HIVEP1: variants seen among roughly 807,000 people sequenced by gnomAD.
HIVEP1 encodes HIVEP zinc finger 1.
HIVEP1 carries 36 observed loss-of-function variants against 180.0 expected under a neutral mutation model. The ratio of observed to expected loss-of-function variants is 0.20; its 90% CI spans 0.15 to 0.26. The LOEUF is 0.26. HIVEP1 is among the 10% of genes least tolerant of loss of function. The pLI, the probability that HIVEP1 is intolerant of heterozygous loss-of-function variation, is 1.00. For synonymous variants in HIVEP1, 1,239 were observed against 1,239.0 expected (o/e 1.00, Z 0.00); for missense variants, 3,143 against 3,268.7 (o/e 0.96, Z 0.94).
chr6:12,133,366 AC>A (rs1320338182), intron 6 of HIVEP1, among the ~76,000 whole-genome samples: 2 of 152,142 alleles, frequency 1.3e-5, no homozygotes, highest in East Asian at 3.9e-4. Context: ...AAGAAACAAA[AC>A]CTCTCATGCT....
intron 2 of HIVEP1, among the ~76,000 whole-genome samples, chr6:12,087,449 A>G (rs1244068278): frequency 1.3e-5 from 2 of 152,088 alleles, no homozygotes; most frequent in African/African-American, 4.8e-5. Flanking sequence ...TATATAATAC[A>G]TATATATTAT....
intron 7 of HIVEP1, 21 bp from the exon 8 acceptor site, chr6:12,161,418 C>A (rs1208687986): frequency 2.5e-6 from 4 of 1,598,848 alleles, no homozygotes; most frequent in Non-Finnish European, 3.4e-6. Context: ...CCATCACATA[C>A]CTCTTGGTTG....
At chr6:12,206,164 C>T in the HIVEP1 span, among the ~76,000 whole-genome samples, 2 of 151,982 alleles carry the variant, frequency 1.3e-5, no homozygotes, top group South Asian at 2.1e-4. Flanking sequence ...GACAGAGTCT[C>T]GCTCTGTCAC....
At chr6:12,085,383 G>T (rs953442310) in intron 2 of HIVEP1, among the ~76,000 whole-genome samples, 5 of 152,060 alleles carry the variant, frequency 3.3e-5, no homozygotes, top group African/African-American at 1.2e-4. Flanking sequence ...ACTTCACTGT[G>T]CCTGATCTTG....
At chr6:12,172,731 T>C in the HIVEP1 span, among the ~76,000 whole-genome samples, 6 of 152,132 alleles carry the variant, frequency 3.9e-5, no homozygotes, top group Non-Finnish European at 8.8e-5. Flanking sequence ...GTGGTTGAGA[T>C]AATTGCTCAG....
intron 7 of HIVEP1, among the ~76,000 whole-genome samples, chr6:12,155,286 T>C (rs1389471601): frequency 6.6e-6 from 1 of 152,222 alleles, no homozygotes; most frequent in African/African-American, 2.4e-5. Flanking sequence ...CAGGGGTACA[T>C]GTGCAGGGTG....
At chr6:12,141,263 C>A (rs1359470900) in intron 7 of HIVEP1, among the ~76,000 whole-genome samples, 2 of 151,882 alleles carry the variant, frequency 1.3e-5, no homozygotes, top group Non-Finnish European at 2.9e-5. Context: ...TCATATCTAG[C>A]CAAACTAAGC....
downstream of HIVEP1, among the ~76,000 whole-genome samples, chr6:12,168,886 C>CT (rs1306634082): frequency 6.6e-6 from 1 of 152,030 alleles, no homozygotes; most frequent in African/African-American, 2.4e-5. Flanking sequence ...ATATTAAATG[C>CT]TTTTTTGTCG....
At chr6:12,013,413 T>A (rs1261399632) in intron 1 of HIVEP1, among the ~76,000 whole-genome samples, 2 of 152,228 alleles carry the variant, frequency 1.3e-5, no homozygotes, top group Non-Finnish European at 1.5e-5. Context: ...GTCGCTACAA[T>A]GCTGCTGTCT....
chr6:12,143,579 A>G (rs1421151024), intron 7 of HIVEP1, among the ~76,000 whole-genome samples: 1 of 152,202 alleles, frequency 6.6e-6, no homozygotes, highest in Non-Finnish European at 1.5e-5. Context: ...TCAATTAGGA[A>G]AAGAAGAAGT....
rs1457575693 is a variant in HIVEP1, at chr6:12,123,248, T to G, written c.3453T>G (p.Pro1151=). 1 of 1,614,182 alleles carries G rather than the reference T, an allele frequency of 6.2e-7. No homozygotes were observed. The highest frequency in any genetic ancestry group is 8.5e-7 in the Non-Finnish European group (1 of 1,180,042). ...SLSRPNSFDK[P]EPFERASPVS... ...GCAGGCCCAACTCATTTGACAAGCC[T>G]GAGCCTTTTGAAAGAGCCTCCCCAG... is the stretch of plus-strand genomic sequence containing the variant. The change falls in exon 4 of 9, where the codon CCT becomes CCG. Residue 1151 remains proline, a synonymous_variant. Coordinates refer to ENST00000379388, the MANE Select transcript of HIVEP1 (RefSeq NM_002114.4).
chr6:12,194,056 T>TGTGCAGTAA, the HIVEP1 span, among the ~76,000 whole-genome samples: 131,343 of 151,724 alleles, frequency 0.87, 57,991 homozygotes, highest in East Asian at 0.97. Flanking sequence ...TGAATTGAGA[T>TGTGCAGTAA]GTTCAAAAAT....
At chr6:12,194,959 T>A in the HIVEP1 span, among the ~76,000 whole-genome samples, 10 of 152,232 alleles carry the variant, frequency 6.6e-5, no homozygotes, top group South Asian at 6.2e-4. Context: ...AAAATATTAA[T>A]ATAAAGAAAA....
chr6:12,046,672 G>A (rs1323194058), intron 2 of HIVEP1, among the ~76,000 whole-genome samples: 2 of 151,870 alleles, frequency 1.3e-5, no homozygotes, highest in Non-Finnish European at 1.5e-5. Context: ...CCAGCTACTC[G>A]GAAGGCTGAG....
chr6:12,073,562 G>C (rs557083454), intron 2 of HIVEP1, among the ~76,000 whole-genome samples: 247 of 152,244 alleles, frequency 1.6e-3, no homozygotes, highest in African/African-American at 5.7e-3. Flanking sequence ...CTGGGGGAAA[G>C]ACCATTTAAA....
the HIVEP1 span, among the ~76,000 whole-genome samples, chr6:12,181,969 G>A: frequency 3.3e-5 from 5 of 152,070 alleles, no homozygotes; most frequent in African/African-American, 1.2e-4. Flanking sequence ...GCCGAGATAT[G>A]GAAACTATGG....
intron 7 of HIVEP1, among the ~76,000 whole-genome samples, chr6:12,158,184 G>C (rs1014597269): frequency 6.6e-6 from 1 of 152,070 alleles, no homozygotes; most frequent in African/African-American, 2.4e-5. Context: ...GTTGAAAGCT[G>C]TACATCTTGT....
At chr6:12,207,924 T>C in the HIVEP1 span, among the ~76,000 whole-genome samples, 6 of 149,024 alleles carry the variant, frequency 4.0e-5, no homozygotes, top group Non-Finnish European at 7.4e-5. Context: ...AAAAAAAATC[T>C]AGATTTATGG....
chr6:12,067,632 G>T (rs546435233), intron 2 of HIVEP1, among the ~76,000 whole-genome samples: 1 of 152,246 alleles, frequency 6.6e-6, no homozygotes, highest in African/African-American at 2.4e-5. Context: ...ATTATTGGGT[G>T]CCCTGCCTGC....
Sources: gnomAD v4.1 joint callset for allele counts (sites outside exome capture counted in the v4.1 genomes callset) on GRCh38, gnomAD v4.1.1 for gene constraint, MANE v1.5 for transcripts, NCBI Gene and HGNC (gene_info 2026-07-23, HGNC 2026-07-21) for gene names.